Variants in DLGAP1 observed in about 807,000 individuals in gnomAD.
DLGAP1 encodes the protein disks large-associated protein 1.
In DLGAP1, 11 loss-of-function variants were observed where a neutral mutation model predicts 90.8. The ratio of observed to expected loss-of-function variants is 0.12; its 90% CI spans 0.08 to 0.20. The LOEUF (loss-of-function observed/expected upper bound fraction) is 0.20, where lower values mean the gene tolerates loss of function less well. Ranked by LOEUF, DLGAP1 falls within the 10% of genes least tolerant of loss-of-function variation. The pLI is 1.00. For missense variants in DLGAP1, 1,050 were observed against 1,333.8 expected (o/e 0.79, Z 3.31); for synonymous variants, 558 against 540.7 (o/e 1.03, Z -0.44).
chr18:3,620,177 G>C (rs1003675347), intron 7 of DLGAP1, among the ~76,000 whole-genome samples: 2 of 152,176 alleles, frequency 1.3e-5, no homozygotes, highest in African/African-American at 4.8e-5. Context: ...GTCCTTATAA[G>C]AGGGAGGCAG....
In DLGAP1 at chr18:4,003,527, A is replaced by G. The variant is rs1123290; in HGVS notation, c.-73+1589T>C. The stretch of plus-strand genomic sequence containing the variant: ...AAAGTCTAGCTAAGAAATTCTTTCA[A>G]CTCTAAACAGAAAACAAAGTATTTC... On this transcript the variant is annotated intron_variant, in intron 3 of 12. Coordinates refer to ENST00000315677, the MANE Select transcript of DLGAP1 (RefSeq NM_004746.4). Among the ~76,000 whole-genome samples the G allele has an allele frequency of 8.2e-3, 1,236 of 149,944 alleles. 22 individuals are homozygous for G. Among genetic ancestry groups the G allele is most frequent in the African/African-American group, 0.029 (1,161 of 40,502 alleles).
chr18:3,609,237 T>A (rs112633233), intron 7 of DLGAP1, among the ~76,000 whole-genome samples: 26 of 152,134 alleles, frequency 1.7e-4, no homozygotes, highest in African/African-American at 6.0e-4. Flanking sequence ...TGTAGAGATA[T>A]GGTCTCACTA....
At chr18:3,706,894 AAAG>A (rs1183567351) in intron 7 of DLGAP1, among the ~76,000 whole-genome samples, 1 of 152,228 alleles carries the variant, frequency 6.6e-6, no homozygotes, top group Non-Finnish European at 1.5e-5. Flanking sequence ...GAGGTATTCA[AAAG>A]AATACCAACA....
At chr18:3,639,308 A>G (rs2058835966) in intron 7 of DLGAP1, among the ~76,000 whole-genome samples, 1 of 151,704 alleles carries the variant, frequency 6.6e-6, no homozygotes, top group South Asian at 2.1e-4. Context: ...GTGAGTCAAA[A>G]TCATGCCACT....
chr18:3,751,833 G>A (rs2063506879), intron 5 of DLGAP1, among the ~76,000 whole-genome samples: 1 of 149,852 alleles, frequency 6.7e-6, no homozygotes, highest in Admixed American at 6.7e-5. Flanking sequence ...AAAGTGCTGG[G>A]ATTACAGGTG....
intron 2 of DLGAP1, among the ~76,000 whole-genome samples, chr18:4,108,536 C>CA (rs1309807928): frequency 3.7e-5 from 4 of 109,264 alleles, no homozygotes; most frequent in Non-Finnish European, 5.6e-5. Context: ...CTGTATTACA[C>CA]AATAAAAAAA....
chr18:4,372,640 G>A lies in DLGAP1; in HGVS notation c.-267+82366C>T, dbSNP rs1230857528. ...GGAAAACATCCTTTGAAAAGGTACA[G>A]ATCAGGCCAGGTGCAGTGGCTCACG... On this transcript the variant is annotated intron_variant, in intron 1 of 12. Coordinates refer to ENST00000315677, the MANE Select transcript of DLGAP1 (RefSeq NM_004746.4). Among the ~76,000 whole-genome samples, 3 of 152,104 alleles carry A rather than the reference G, an allele frequency of 2.0e-5. No homozygotes were observed. In the East Asian group the frequency reaches 5.8e-4, roughly 29 times the overall value.
chr18:4,122,986 A>G (rs1488118106), intron 2 of DLGAP1, among the ~76,000 whole-genome samples: 1 of 152,212 alleles, frequency 6.6e-6, no homozygotes, highest in Non-Finnish European at 1.5e-5. Context: ...CCCCAAGGGT[A>G]AGAACTGGGG....
intron 7 of DLGAP1, among the ~76,000 whole-genome samples, chr18:3,720,370 T>A (rs974696427): frequency 9.2e-5 from 14 of 152,200 alleles, no homozygotes; most frequent in African/African-American, 3.4e-4. Context: ...ATGTTGATAG[T>A]TACATGATCA....
chr18:3,601,027 T>TATAG lies in DLGAP1; in HGVS notation c.1592-18780_1592-18779insCTAT, dbSNP rs1568280410. On this transcript the variant is annotated intron_variant, in intron 7 of 12. Coordinates refer to ENST00000315677, the MANE Select transcript of DLGAP1 (RefSeq NM_004746.4). ...AGATATAGATAGATATATAGATATA[T>TATAG]AGATATAGAGATAAAGATATAGATA... Among the ~76,000 whole-genome samples, 67 of 116,624 alleles carry TATAG rather than the reference T, an allele frequency of 5.7e-4. 1 individual carries two copies. The highest frequency in any genetic ancestry group is 4.3e-3 in the Middle Eastern group (1 of 232). The allele number at this position is 116,624 out of a possible 152,430, so 76.5% of individuals were successfully genotyped here. A position where few individuals can be genotyped will look rare whatever the true frequency, so the allele number is the denominator to read the frequency against.
intron 3 of DLGAP1, among the ~76,000 whole-genome samples, chr18:3,972,471 T>C (rs2073472407): frequency 6.6e-6 from 1 of 151,814 alleles, no homozygotes; most frequent in Non-Finnish European, 1.5e-5. Context: ...CATGTTTCCT[T>C]GGTGTGTTTG....
At chr18:4,176,756 T>C (rs756817650) in intron 1 of DLGAP1, among the ~76,000 whole-genome samples, 4 of 152,170 alleles carry the variant, frequency 2.6e-5, no homozygotes, top group Non-Finnish European at 5.9e-5. Flanking sequence ...TGCTTCTCTA[T>C]TGTTCTGAGA....
rs748938600 is a variant in DLGAP1, at chr18:3,534,469, C to T, written c.2204G>A (p.Ser735Asn). 3 of 1,614,212 alleles carry T rather than the reference C, an allele frequency of 1.9e-6. No individual in the cohort carries two copies. Among genetic ancestry groups the T allele is most frequent in the Non-Finnish European group, 2.5e-6 (3 of 1,180,038 alleles). The part of the protein sequence containing the change: ...PMARQFSRDA[S>N]TSTVSIQGSG... ...GCCCTGAATGCTGACTGTGGAGGTG[C>T]TGGCATCGCGGGAGAACTGTCTGGC... is the stretch of plus-strand genomic sequence containing the variant. Residue 735 changes from serine to asparagine, a missense_variant, in exon 10 of 13, where the codon AGC becomes AAC. Transcript: ENST00000315677.
chr18:3,545,008 C>A (rs1377118922), intron 9 of DLGAP1, among the ~76,000 whole-genome samples: 1 of 152,048 alleles, frequency 6.6e-6, no homozygotes, highest in Non-Finnish European at 1.5e-5. Context: ...GTGGCTCATG[C>A]CTGTAATCCC....
chr18:3,675,048 G>A lies in DLGAP1; in HGVS notation c.1591+54087C>T, dbSNP rs529414429. On this transcript the variant is annotated intron_variant, in intron 7 of 12. Transcript: ENST00000315677. The stretch of plus-strand genomic sequence containing the variant: ...ACCCCCATTCATTAGCATAGGCAGA[G>A]CACTGCCAAGTACCACGCAGTGGGT... Among the ~76,000 whole-genome samples, 54 of 152,302 alleles carry A rather than the reference G, an allele frequency of 3.5e-4. 1 individual carries two copies. The highest frequency in any genetic ancestry group is 9.9e-4 in the African/African-American group (41 of 41,576).
chr18:3,555,045 TA>T (rs900203190), intron 9 of DLGAP1, among the ~76,000 whole-genome samples: 18 of 149,682 alleles, frequency 1.2e-4, no homozygotes, highest in African/African-American at 1.5e-4. Flanking sequence ...ACCAGATAAT[TA>T]AAAAAAAAAT....
chr18:3,665,870 T>C (rs954162322), intron 7 of DLGAP1, among the ~76,000 whole-genome samples: 2 of 152,198 alleles, frequency 1.3e-5, no homozygotes, highest in South Asian at 2.1e-4. Context: ...TTTGTCCCTT[T>C]TGAACATGTA....
chr18:4,424,967 A>G (rs2083120406), intron 1 of DLGAP1, among the ~76,000 whole-genome samples: 1 of 149,238 alleles, frequency 6.7e-6, no homozygotes, highest in African/African-American at 2.5e-5. Flanking sequence ...ACTTCCACCT[A>G]TCCATTTACT....
intron 1 of DLGAP1, among the ~76,000 whole-genome samples, chr18:4,196,302 TGC>T (rs1486868184): frequency 6.6e-6 from 1 of 152,224 alleles, no homozygotes; most frequent in Admixed American, 6.5e-5. Context: ...AAACTGACCT[TGC>T]CTGAGTACAG....
Sources: allele counts gnomAD v4.1 joint callset (sites outside exome capture counted in the v4.1 genomes callset), GRCh38; gene constraint gnomAD v4.1.1; transcripts MANE v1.5; gene names NCBI Gene and HGNC (gene_info 2026-07-23, HGNC 2026-07-21).